Variants in PRKCB observed in about 807,000 individuals in gnomAD.
PRKCB encodes the protein protein kinase C beta.
In PRKCB, 13 loss-of-function variants were observed where a neutral mutation model predicts 81.5. The observed-to-expected ratio is 0.16, with a 90% CI of 0.10 to 0.25. PRKCB has a LOEUF of 0.25. PRKCB is among the 10% of genes least tolerant of loss of function. PRKCB has a pLI of 1.00. For synonymous variants in PRKCB, 335 were observed against 321.4 expected, an observed-to-expected ratio of 1.04 and a Z score of -0.45; for missense variants, 509 against 875.7, an observed-to-expected ratio of 0.58 and a Z score of 5.29.
At chr16:23,919,415 T>C (rs1963791241) in intron 2 of PRKCB, among the ~76,000 whole-genome samples, 1 of 151,082 alleles carries the variant, frequency 6.6e-6, no homozygotes, top group South Asian at 2.1e-4. Flanking sequence ...CAAAATTTCC[T>C]GGAGTCTGAC....
chr16:24,112,962 T>A lies in PRKCB; in HGVS notation c.822-11T>A. ...TCATGAAATGTGTCCCACCCCCTTGTCTCCCTTCAGGTTTAAGTTACTGAG... is the reference window on the plus strand; with the variant it reads ...TCATGAAATGTGTCCCACCCCCTTGACTCCCTTCAGGTTTAAGTTACTGAG... On this transcript the variant is annotated splice_polypyrimidine_tract_variant and intron_variant, in intron 7 of 16. Coordinates refer to ENST00000643927, the MANE Select transcript of PRKCB (RefSeq NM_002738.7). 3.8e-6 allele frequency: 6 copies of A among 1,586,886 alleles called. No individual in the cohort carries two copies. The highest frequency in any genetic ancestry group is 5.2e-6 in the Non-Finnish European group (6 of 1,163,654).
At chr16:23,957,409 T>A (rs1183496985) in intron 2 of PRKCB, among the ~76,000 whole-genome samples, 1 of 152,158 alleles carries the variant, frequency 6.6e-6, no homozygotes, top group African/African-American at 2.4e-5. Context: ...GAAATGTTGT[T>A]TTCTGCCTCT....
chr16:24,096,953 T>G (rs114839833), intron 7 of PRKCB, among the ~76,000 whole-genome samples: 143 of 151,534 alleles, frequency 9.4e-4, no homozygotes, highest in African/African-American at 3.2e-3. Context: ...AGATGTGTCC[T>G]TTGGACCACA....
At chr16:23,879,398 C>A (rs886882688) in intron 2 of PRKCB, among the ~76,000 whole-genome samples, 3 of 151,634 alleles carry the variant, frequency 2.0e-5, no homozygotes, top group Admixed American at 6.6e-5. Flanking sequence ...GTTTTCCAGG[C>A]ACCTTCTCCT....
intron 7 of PRKCB, among the ~76,000 whole-genome samples, chr16:24,112,308 C>T (rs188828665): frequency 6.6e-6 from 1 of 152,250 alleles, no homozygotes; most frequent in East Asian, 1.9e-4. Flanking sequence ...GTGAGAAGAT[C>T]ACTTGAGGTC....
chr16:23,848,465 T>C (rs768143553), intron 2 of PRKCB, among the ~76,000 whole-genome samples: 4 of 152,198 alleles, frequency 2.6e-5, no homozygotes, highest in Non-Finnish European at 2.9e-5. Context: ...GTCAGTCATA[T>C]TGTTGATTGT....
intron 10 of PRKCB, among the ~76,000 whole-genome samples, chr16:24,157,137 TG>T (rs758222297): frequency 4.7e-4 from 71 of 152,296 alleles, no homozygotes; most frequent in Non-Finnish European, 9.1e-4. Flanking sequence ...GAGTAGGGGC[TG>T]GGTGTACATG....
chr16:24,209,447 C>T (rs1285066384), intron 16 of PRKCB, among the ~76,000 whole-genome samples: 1 of 152,142 alleles, frequency 6.6e-6, no homozygotes, highest in Non-Finnish European at 1.5e-5. Flanking sequence ...TTGACGTGTC[C>T]TCTGGAATTT....
intron 2 of PRKCB, among the ~76,000 whole-genome samples, chr16:23,866,006 C>G (rs893452565): frequency 3.4e-5 from 5 of 147,978 alleles, no homozygotes; most frequent in African/African-American, 1.3e-4. Context: ...TTGAGTCTAC[C>G]CCACCCTTCA....
chr16:24,214,911 A>G lies in PRKCB; in HGVS notation c.*95A>G. The G allele has an allele frequency of 3.2e-6, 5 of 1,553,750 alleles. No homozygotes were observed. In the Admixed American group the frequency reaches 5.4e-5, roughly 17 times the overall value. On this transcript the variant is annotated 3_prime_UTR_variant, in exon 17 of 17. Transcript: ENST00000643927. The stretch of plus-strand genomic sequence containing the variant: ...TGTTTTTCATTGCCAAGTTGCATCC[A>G]TGTTTGATTTTCTGATGAGACTAGA...
rs2141860307 is a variant in PRKCB, at chr16:24,039,031, C to T, written c.529+3484C>T. Among the ~76,000 whole-genome samples, 2 of 152,040 alleles carry T rather than the reference C, an allele frequency of 1.3e-5. 1 individual carries two copies. Among genetic ancestry groups the T allele is most frequent in the Non-Finnish European group, 2.9e-5 (2 of 67,972 alleles). On this transcript the variant is annotated intron_variant, in intron 5 of 16. Coordinates refer to ENST00000643927, the MANE Select transcript of PRKCB (RefSeq NM_002738.7). Reference sequence around the variant, plus strand: ...GATGAGGTTGTGAGGGTGGGGCCCTCATAATGGGATTTGTGGATTTCTAAG... The same window carrying T: ...GATGAGGTTGTGAGGGTGGGGCCCTTATAATGGGATTTGTGGATTTCTAAG...
intron 2 of PRKCB, among the ~76,000 whole-genome samples, chr16:23,861,655 T>TACTC: frequency 6.6e-6 from 1 of 152,290 alleles, no homozygotes; most frequent in South Asian, 2.1e-4. Flanking sequence ...CAGAATCACA[T>TACTC]ACTCACAGGG....
chr16:24,195,848 A>C (rs1179104372), intron 16 of PRKCB, among the ~76,000 whole-genome samples: 1 of 152,154 alleles, frequency 6.6e-6, no homozygotes, highest in African/African-American at 2.4e-5. Flanking sequence ...CCTGACTCCA[A>C]GAACAGCATT....
At chr16:24,060,000 GA>G (rs2141876671) in intron 5 of PRKCB, among the ~76,000 whole-genome samples, 1 of 152,274 alleles carries the variant, frequency 6.6e-6, no homozygotes, top group African/African-American at 2.4e-5. Context: ...CAACTCATGA[GA>G]ATTTGGGTTG....
intron 5 of PRKCB, among the ~76,000 whole-genome samples, chr16:24,069,587 TAAG>T: frequency 6.6e-6 from 1 of 152,212 alleles, no homozygotes; most frequent in East Asian, 1.9e-4. Flanking sequence ...CAAAAAATTT[TAAG>T]AAGTAGTCAG....
intron 7 of PRKCB, among the ~76,000 whole-genome samples, chr16:24,102,634 C>A (rs1416777780): frequency 6.6e-6 from 1 of 152,222 alleles, no homozygotes; most frequent in Admixed American, 6.5e-5. Flanking sequence ...TATCTGTTGA[C>A]AAATCCGCCT....
In PRKCB at chr16:24,058,189, CCTT is replaced by C. The variant is rs1348245977; in HGVS notation, c.529+22645_529+22647del. On this transcript the variant is annotated intron_variant, in intron 5 of 16. Transcript: ENST00000643927. ...AGCCTTCAGTCATCACTAAATGTCACCTTCTCAGAAAGCCCGCCTCTGAGTCTT... is the reference window on the plus strand; with the variant it reads ...AGCCTTCAGTCATCACTAAATGTCACCTCAGAAAGCCCGCCTCTGAGTCTT... 3.9e-5 allele frequency among the ~76,000 whole-genome samples: 6 copies of C among 152,310 alleles called. No individual in the cohort carries two copies. In the South Asian group the frequency reaches 6.2e-4, roughly 16 times the overall value.
chr16:24,175,488 A>G (rs1967514638), intron 12 of PRKCB, among the ~76,000 whole-genome samples: 6 of 151,920 alleles, frequency 3.9e-5, no homozygotes. Context: ...TAAGTGAATC[A>G]TAAAAACATA....
intron 16 of PRKCB, 78 bp downstream of exon 16, chr16:24,191,308 C>T: frequency 6.5e-7 from 1 of 1,541,964 alleles, no homozygotes; most frequent in Non-Finnish European, 8.9e-7. Flanking sequence ...TTTCCAAATG[C>T]TCCCTGAGGG....
Sources: allele counts gnomAD v4.1 joint callset (sites outside exome capture counted in the v4.1 genomes callset), GRCh38; gene constraint gnomAD v4.1.1; transcripts MANE v1.5; gene names NCBI Gene and HGNC (gene_info 2026-07-23, HGNC 2026-07-21).